The following ANKRD36C variants were observed in gnomAD, a reference collection of about 807,000 sequenced individuals.
ANKRD36C encodes the protein ankyrin repeat domain-containing protein 36C.
Under a neutral mutation model 276.4 loss-of-function variants are expected in ANKRD36C, and 61 were observed. The ratio of observed to expected loss-of-function variants is 0.22; its 90% CI spans 0.18 to 0.27. ANKRD36C has a LOEUF of 0.27. ANKRD36C is among the 10% of genes least tolerant of loss of function. The pLI, the probability that ANKRD36C is intolerant of heterozygous loss-of-function variation, is 1.00. For missense variants in ANKRD36C, 1,447 were observed against 2,032.3 expected (o/e 0.71, Z 5.54); for synonymous variants, 483 against 680.1 (o/e 0.71, Z 4.51).
chr2:95,985,390 C>T (rs1178219235), intron 3 of ANKRD36C, among the ~76,000 whole-genome samples: 1 of 152,150 alleles, frequency 6.6e-6, no homozygotes, highest in Admixed American at 6.5e-5. Context: ...TTACACTTAT[C>T]TATTCAGTGG....
At chr2:95,918,711 G>A (rs907789634) in intron 34 of ANKRD36C, among the ~76,000 whole-genome samples, 18 of 151,566 alleles carry the variant, frequency 1.2e-4, no homozygotes, top group African/African-American at 3.1e-4. Context: ...GCACCAAAGG[G>A]TAATATATTA....
chr2:95,920,916 C>T lies in ANKRD36C; in HGVS notation c.2245+691G>A, dbSNP rs1677246812. ...TTTTATAAGTCAACAAAACATGTATCTCTGATGCCTAATAGTAACAAAAAG... is the reference window on the plus strand; with the variant it reads ...TTTTATAAGTCAACAAAACATGTATTTCTGATGCCTAATAGTAACAAAAAG... On this transcript the variant is annotated intron_variant, in intron 34 of 66. Transcript: ENST00000456556. 1.0e-4 allele frequency among the ~76,000 whole-genome samples: 15 copies of T among 149,892 alleles called. 1 individual carries two copies. The highest frequency in any genetic ancestry group is 9.9e-4 in the Admixed American group (15 of 15,144).
chr2:95,988,164 A>C (rs962494566), intron 1 of ANKRD36C, among the ~76,000 whole-genome samples: 6 of 151,114 alleles, frequency 4.0e-5, no homozygotes, highest in Non-Finnish European at 4.4e-5. Context: ...AAAAAAAAAA[A>C]CAACAAATTT....
intron 6 of ANKRD36C, among the ~76,000 whole-genome samples, chr2:95,963,186 A>C (rs1678500441): frequency 6.6e-6 from 1 of 152,026 alleles, no homozygotes; most frequent in Admixed American, 6.6e-5. Context: ...CAGCCTTCTG[A>C]AAGTTTTTTC....
chr2:95,859,334 T>C (rs553229171), intron 61 of ANKRD36C, among the ~76,000 whole-genome samples: 5 of 152,280 alleles, frequency 3.3e-5, no homozygotes, highest in African/African-American at 9.6e-5. Flanking sequence ...ACCCGGCTGA[T>C]AATTTTTAAA....
intron 42 of ANKRD36C, 69 bp downstream of exon 44, chr2:95,912,175 T>C: frequency 6.5e-7 from 1 of 1,531,430 alleles, no homozygotes; most frequent in Non-Finnish European, 8.8e-7. Flanking sequence ...AGCCCCCCAC[T>C]GATTTATTCG....
At chr2:95,955,150 A>G (rs1678298023) in intron 13 of ANKRD36C, among the ~76,000 whole-genome samples, 1 of 152,246 alleles carries the variant, frequency 6.6e-6, no homozygotes, top group African/African-American at 2.4e-5. Flanking sequence ...AGAAAAAAAG[A>G]GACATCCACC....
Position 95,893,766 on chromosome 2 carries a change from T to C in ANKRD36C, c.2756-1906A>G, listed in dbSNP as rs750294925. ...ATTCATAATCACTCATATGTAAATA[T>C]GACAAAGATATCCATAGATTCATGC... On this transcript the variant is annotated intron_variant, in intron 44 of 66. Transcript: ENST00000456556. The C allele has an allele frequency of 7.5e-6, 12 of 1,603,134 alleles. No individual in the cohort carries two copies. The Middle Eastern group carries it at 6.8e-4, about 91-fold the overall frequency.
At chr2:95,960,693 C>T (rs1212467545) in intron 8 of ANKRD36C, 26 bp from the exon 9 acceptor site, 2 of 910,810 alleles carry the variant, frequency 2.2e-6, no homozygotes, top group South Asian at 3.5e-5. Context: ...GATACATAAT[C>T]ACTCATATGT....
intron 56 of ANKRD36C, 106 bp from the exon 77 acceptor site, chr2:95,880,729 T>A: frequency 6.6e-6 from 9 of 1,368,084 alleles, no homozygotes; most frequent in Non-Finnish European, 9.0e-6. Flanking sequence ...CCTGTATTAG[T>A]GTAGGGTTTC....
rs908181033 is a variant in ANKRD36C at position 95,948,606 on chromosome 2, A to G, written c.1296-10T>C. On this transcript the variant is annotated splice_polypyrimidine_tract_variant and intron_variant, in intron 16 of 66. Transcript: ENST00000456556. Reference sequence around the variant, plus strand: ...CAGTAGGTAGAGACACCTACAGAGCAAAAAGATATGAAAAAAATGAGCACG... The same window carrying G: ...CAGTAGGTAGAGACACCTACAGAGCGAAAAGATATGAAAAAAATGAGCACG... 1.3e-6 allele frequency: 2 copies of G among 1,534,590 alleles called. No homozygotes were observed. The highest frequency in any genetic ancestry group is 1.7e-6 in the Non-Finnish European group (2 of 1,145,582).
chr2:95,946,971 T>C (rs1417313668), intron 17 of ANKRD36C, among the ~76,000 whole-genome samples: 2 of 151,980 alleles, frequency 1.3e-5, no homozygotes, highest in African/African-American at 2.4e-5. Flanking sequence ...TGATGGCACA[T>C]GTATACATAT....
chr2:95,896,615 A>T (rs911917826), intron 44 of ANKRD36C, among the ~76,000 whole-genome samples: 1 of 145,878 alleles, frequency 6.9e-6, no homozygotes, highest in Non-Finnish European at 1.5e-5. Flanking sequence ...AACCAAGAGG[A>T]GTAATGAGTC....
At chr2:95,965,090 C>T (rs1406809188) in intron 6 of ANKRD36C, among the ~76,000 whole-genome samples, 2 of 151,714 alleles carry the variant, frequency 1.3e-5, no homozygotes, top group East Asian at 1.9e-4. Context: ...AAATAAGACA[C>T]GCTGAGATCC....
At chr2:95,920,009 C>T in intron 34 of ANKRD36C, 89 bp from the exon 35 acceptor site, 1 of 1,397,464 alleles carries the variant, frequency 7.2e-7, no homozygotes, top group Non-Finnish European at 9.6e-7. Context: ...CAAGCTGTAT[C>T]CTTCTGCCTG....
chr2:95,964,488 A>G (rs191165952), intron 6 of ANKRD36C, among the ~76,000 whole-genome samples: 1 of 152,132 alleles, frequency 6.6e-6, no homozygotes, highest in Non-Finnish European at 1.5e-5. Context: ...TCACTTCTTC[A>G]TTATTCTCAC....
chr2:95,946,824 C>T (rs1432794830), intron 17 of ANKRD36C, among the ~76,000 whole-genome samples: 7 of 151,500 alleles, frequency 4.6e-5, no homozygotes, highest in African/African-American at 7.3e-5. Context: ...AACCAAACAC[C>T]GCATATTCTC....
intron 4 of ANKRD36C, among the ~76,000 whole-genome samples, chr2:95,981,149 T>C (rs1184821740): frequency 6.6e-6 from 1 of 151,806 alleles, no homozygotes; most frequent in Non-Finnish European, 1.5e-5. Context: ...AGCTGAAGGG[T>C]CAGATAAGAG....
chr2:95,917,764 C>T (rs1677144301), intron 36 of ANKRD36C, 91 bp downstream of exon 38: 1 of 1,478,294 alleles, frequency 6.8e-7, no homozygotes. Context: ...TTGGCGAGCA[C>T]CCCCAACCGC....
Sources: gnomAD v4.1 joint callset for allele counts (sites outside exome capture counted in the v4.1 genomes callset) on GRCh38, gnomAD v4.1.1 for gene constraint, MANE v1.5 for transcripts, NCBI Gene and HGNC (gene_info 2026-07-23, HGNC 2026-07-21) for gene names.